The following SYTL2 variants were observed in gnomAD, a reference collection of about 807,000 sequenced individuals.
SYTL2 encodes synaptotagmin like 2.
Under a neutral mutation model 198.7 loss-of-function variants are expected in SYTL2, and 165 were observed. That is an observed-to-expected ratio of 0.83 (90% CI 0.73 to 0.94). The LOEUF (loss-of-function observed/expected upper bound fraction) is 0.94, where lower values mean the gene tolerates loss of function less well. Among genes scored for constraint, SYTL2 ranks in the 40% least tolerant of loss-of-function variants. The pLI, the probability that SYTL2 is intolerant of heterozygous loss-of-function variation, is 0.00. For synonymous variants in SYTL2, 966 were observed against 917.7 expected (o/e 1.05, Z -0.95); for missense variants, 2,835 against 2,582.8 (o/e 1.10, Z -2.12).
At chr11:85,810,412 T>C (rs1466151265) in intron 1 of SYTL2, among the ~76,000 whole-genome samples, 1 of 152,108 alleles carries the variant, frequency 6.6e-6, no homozygotes, top group Non-Finnish European at 1.5e-5. Flanking sequence ...GCTTTTCCAC[T>C]TCAAAGGATG....
Position 85,725,279 on chromosome 11 carries a change from A to C in SYTL2, c.4079T>G (p.Ile1360Ser). 2 of 1,614,178 alleles carry C rather than the reference A, an allele frequency of 1.2e-6. No individual in the cohort carries two copies. Among genetic ancestry groups the C allele is most frequent in the Non-Finnish European group, 8.5e-7 (1 of 1,180,034 alleles). Residue 1360 changes from isoleucine to serine, a missense_variant, in exon 8 of 20, where the codon ATT (isoleucine) becomes AGT (serine). Ile to Ser is a moderately radical substitution (Grantham distance 142). Transcript: ENST00000359152. The stretch of plus-strand genomic sequence containing the variant: ...ATTCAATACAGGTCTGGGTGGAAGA[A>C]TGACTTTCTCTACAGTCTCCGAAAT... The part of the protein sequence containing the change: ...TEISETVEKV[I>S]LPPRPVLNDV...
At chr11:85,793,278 T>C (rs931236193) in intron 1 of SYTL2, among the ~76,000 whole-genome samples, 4 of 152,038 alleles carry the variant, frequency 2.6e-5, no homozygotes, top group Admixed American at 6.5e-5. Flanking sequence ...CTCCACATCC[T>C]CTCCAGCACC....
intron 3 of SYTL2, among the ~76,000 whole-genome samples, chr11:85,746,461 T>C (rs1308252853): frequency 6.6e-6 from 1 of 152,238 alleles, no homozygotes; most frequent in African/African-American, 2.4e-5. Context: ...CCAGGCACTG[T>C]GCTGAGTTCT....
intron 1 of SYTL2, among the ~76,000 whole-genome samples, chr11:85,792,753 G>C (rs1156260893): frequency 6.6e-6 from 1 of 151,612 alleles, no homozygotes; most frequent in Non-Finnish European, 1.5e-5. Flanking sequence ...GCATTAGGTA[G>C]ATCTCCTAAA....
the SYTL2 span, among the ~76,000 whole-genome samples, chr11:85,834,357 T>A: frequency 6.6e-6 from 1 of 152,308 alleles, no homozygotes; most frequent in Non-Finnish European, 1.5e-5. Context: ...ACTTCTAAGT[T>A]TTTCATTCTT....
the SYTL2 span, chr11:85,853,097 C>T: frequency 3.4e-6 from 1 of 294,496 alleles, no homozygotes; most frequent in Non-Finnish European, 6.6e-6. Flanking sequence ...GGCGCCTCTG[C>T]CCGGCCGCCC....
At chr11:85,761,017 T>C (rs1464334553) in intron 1 of SYTL2, among the ~76,000 whole-genome samples, 1 of 152,208 alleles carries the variant, frequency 6.6e-6, no homozygotes, top group South Asian at 2.1e-4. Flanking sequence ...GGGAGCTAAC[T>C]GAACATTTCC....
At chr11:85,775,973 G>C (rs569805608) in intron 1 of SYTL2, among the ~76,000 whole-genome samples, 2 of 152,158 alleles carry the variant, frequency 1.3e-5, no homozygotes, top group African/African-American at 4.8e-5. Context: ...ATGGAGGTAC[G>C]GCCTAATGGC....
intron 15 of SYTL2, among the ~76,000 whole-genome samples, chr11:85,706,777 T>A (rs914670717): frequency 6.6e-6 from 1 of 152,232 alleles, no homozygotes; most frequent in African/African-American, 2.4e-5. Context: ...TGTGCTTTTA[T>A]AAGATCATTC....
chr11:85,732,721 A>G (rs2089938230), intron 7 of SYTL2, among the ~76,000 whole-genome samples: 1 of 152,198 alleles, frequency 6.6e-6, no homozygotes, highest in Non-Finnish European at 1.5e-5. Context: ...CTTCACATGT[A>G]TCCCAGAACT....
At chr11:85,841,905 CTT>C in the SYTL2 span, among the ~76,000 whole-genome samples, 2 of 152,190 alleles carry the variant, frequency 1.3e-5, no homozygotes, top group Non-Finnish European at 2.9e-5. Context: ...ACAGGTGTAA[CTT>C]ATTTGTCAGG....
chr11:85,734,552 T>C lies in SYTL2; in HGVS notation c.777A>G (p.Gln259=). 1.2e-6 allele frequency: 2 copies of C among 1,614,240 alleles called. No homozygotes were observed. The highest frequency in any genetic ancestry group is 1.7e-6 in the Non-Finnish European group (2 of 1,180,048). Residue 259 remains glutamine, a synonymous_variant, in exon 7 of 20, where the codon CAA becomes CAG. Transcript: ENST00000359152. ...NKDDNQSFPR[Q]RTDSLKARGA... is the part of the protein sequence containing the mutation. ...CTCTCGCTTTCAGGGAGTCTGTCCT[T>C]TGTCTAGGAAAAGACTGGTTATCAT...
At chr11:85,699,747 A>C (rs1383854055) in intron 17 of SYTL2, among the ~76,000 whole-genome samples, 3 of 152,188 alleles carry the variant, frequency 2.0e-5, no homozygotes, top group African/African-American at 7.2e-5. Context: ...AAAGAGACTA[A>C]CTTGGGGAAC....
the SYTL2 span, among the ~76,000 whole-genome samples, chr11:85,832,936 C>T: frequency 4.0e-5 from 6 of 148,980 alleles, no homozygotes; most frequent in African/African-American, 1.5e-4. Flanking sequence ...GTCAAGGCTG[C>T]AGTGAGCTAT....
chr11:85,758,356 A>C (rs76159789), intron 1 of SYTL2, among the ~76,000 whole-genome samples: 3,175 of 152,266 alleles, frequency 0.021, 63 homozygotes, highest in Admixed American at 0.037. Flanking sequence ...ACCTGAGTAA[A>C]GGATGGTTGC....
At chr11:85,805,445 C>T (rs1262902721) in intron 1 of SYTL2, among the ~76,000 whole-genome samples, 1 of 152,196 alleles carries the variant, frequency 6.6e-6, no homozygotes, top group Non-Finnish European at 1.5e-5. Flanking sequence ...CAATACAGCT[C>T]AGCCTTCCTC....
At chr11:85,792,000 T>C (rs896042834) in intron 1 of SYTL2, among the ~76,000 whole-genome samples, 1 of 151,982 alleles carries the variant, frequency 6.6e-6, no homozygotes, top group South Asian at 2.1e-4. Flanking sequence ...ACTGAACCTA[T>C]AGAAAGTATA....
Position 85,734,521 on chromosome 11 carries a change from G to C in SYTL2, c.808C>G (p.Pro270Ala). Reference sequence around the variant, plus strand: ...GAGTTGCGCTTGAGGATCCCTCTCGGAGCCCCTCTCGCTTTCAGGGAGTCT... The same window carrying C: ...GAGTTGCGCTTGAGGATCCCTCTCGCAGCCCCTCTCGCTTTCAGGGAGTCT... ...RTDSLKARGA[P>A]RGILKRNSSS... Residue 270 changes from proline (P) to alanine (A), a missense_variant, in exon 7 of 20, where the codon CCG (proline) becomes GCG (alanine). Around this residue, in one of 3 missense-constraint regions of SYTL2, gnomAD observed 2,645 missense variants for 2,381.7 expected, o/e 1.11. Coordinates refer to ENST00000359152, the MANE Select transcript of SYTL2 (RefSeq NM_206927.4). 1 of 1,614,190 alleles carries C rather than the reference G, an allele frequency of 6.2e-7. No homozygotes were observed. Among genetic ancestry groups the C allele is most frequent in the Non-Finnish European group, 8.5e-7 (1 of 1,180,012 alleles).
intron 1 of SYTL2, among the ~76,000 whole-genome samples, chr11:85,800,555 A>G (rs1258771050): frequency 6.6e-6 from 1 of 152,160 alleles, no homozygotes; most frequent in African/African-American, 2.4e-5. Context: ...CTGAGATTAC[A>G]GGAATGAGCC....
Sources: allele counts gnomAD v4.1 joint callset (sites outside exome capture counted in the v4.1 genomes callset), GRCh38; gene constraint gnomAD v4.1.1; regional missense constraint gnomAD v4.1.1; transcripts MANE v1.5; gene names NCBI Gene and HGNC (gene_info 2026-07-23, HGNC 2026-07-21).